The following TAFA5 variants were observed in gnomAD, a reference collection of about 807,000 sequenced individuals.
The protein encoded by TAFA5 is chemokine-like protein TAFA-5.
A neutral mutation model predicts 15.3 loss-of-function variants in TAFA5; 6 were observed. The observed-to-expected ratio is 0.39, with a 90% confidence interval of 0.21 to 0.77. TAFA5 has a LOEUF of 0.77. Among genes scored for constraint, TAFA5 ranks in the 30% least tolerant of loss-of-function variants. The pLI is 0.41. For synonymous variants in TAFA5, 103 were observed against 80.7 expected (o/e 1.28, Z -1.48); for missense variants, 161 against 193.1 (o/e 0.83, Z 0.98).
At chr22:48,642,445 C>G (rs531040338) in intron 1 of TAFA5, among the ~76,000 whole-genome samples, 56 of 152,320 alleles carry the variant, frequency 3.7e-4, no homozygotes, top group African/African-American at 1.3e-3. Flanking sequence ...TTCTGAACCC[C>G]CCTTTCTGAG....
chr22:48,510,448 G>A (rs1218986978), intron 1 of TAFA5, among the ~76,000 whole-genome samples: 1 of 152,248 alleles, frequency 6.6e-6, no homozygotes, highest in Admixed American at 6.5e-5. Context: ...TTTGGTTGAT[G>A]TTCGGTGTTC....
At chr22:48,576,232 C>A (rs1923788887) in intron 1 of TAFA5, 3 of 413,328 alleles carry the variant, frequency 7.3e-6, no homozygotes, top group Admixed American at 5.2e-5. Context: ...AGACTTTCTG[C>A]TAACCTCCCC....
At chr22:48,509,671 G>T (rs1380020707) in intron 1 of TAFA5, among the ~76,000 whole-genome samples, 1 of 152,184 alleles carries the variant, frequency 6.6e-6, no homozygotes, top group Non-Finnish European at 1.5e-5. Context: ...GAAACTAGAG[G>T]CCCAGCGCAA....
intron 2 of TAFA5, among the ~76,000 whole-genome samples, chr22:48,676,408 A>G (rs1306450487): frequency 6.6e-6 from 1 of 152,140 alleles, no homozygotes; most frequent in African/African-American, 2.4e-5. Context: ...CAAGCAAAGG[A>G]GGCATTGGAG....
Position 48,746,158 on chromosome 22 carries a change from G to A in TAFA5, c.391-3681G>A, listed in dbSNP as rs975558873. On this transcript the variant is annotated intron_variant, in intron 3 of 3. Transcript: ENST00000402357. ...GTCGCCTCCGGCCCCTGTCCTTGTGGTTTCTGGCTGGCACTGGGCCTGGCC... is the reference window on the plus strand; with the variant it reads ...GTCGCCTCCGGCCCCTGTCCTTGTGATTTCTGGCTGGCACTGGGCCTGGCC... Among the ~76,000 whole-genome samples, 3 of 151,882 alleles carry A rather than the reference G, an allele frequency of 2.0e-5. No individual in the cohort carries two copies. In the South Asian group the frequency reaches 6.3e-4, roughly 32 times the overall value.
chr22:48,558,364 G>C (rs1470023158), intron 1 of TAFA5, among the ~76,000 whole-genome samples: 1 of 152,144 alleles, frequency 6.6e-6, no homozygotes, highest in African/African-American at 2.4e-5. Context: ...TCTTGTTTTT[G>C]AATGCGTCCC....
At chr22:48,499,590 T>C (rs1920941898) in intron 1 of TAFA5, among the ~76,000 whole-genome samples, 1 of 152,158 alleles carries the variant, frequency 6.6e-6, no homozygotes. Flanking sequence ...AGTAGGGCCC[T>C]CCGCAGGGGG....
chr22:48,646,121 C>G (rs753181268), intron 1 of TAFA5, among the ~76,000 whole-genome samples: 2 of 152,172 alleles, frequency 1.3e-5, no homozygotes, highest in African/African-American at 4.8e-5. Flanking sequence ...TTTTGACAAG[C>G]CTGAGCGGGG....
chr22:48,612,838 C>T (rs1925461168), intron 1 of TAFA5, among the ~76,000 whole-genome samples: 1 of 152,136 alleles, frequency 6.6e-6, no homozygotes, highest in Non-Finnish European at 1.5e-5. Context: ...AGCAGGGTCC[C>T]TTGAGAGGGG....
intron 1 of TAFA5, among the ~76,000 whole-genome samples, chr22:48,637,795 C>T (rs1418130739): frequency 1.3e-5 from 2 of 151,974 alleles, no homozygotes; most frequent in Non-Finnish European, 2.9e-5. Flanking sequence ...TTCACAGCCA[C>T]TCCCGCCCAC....
intron 2 of TAFA5, among the ~76,000 whole-genome samples, chr22:48,697,533 A>G (rs1455128903): frequency 8.6e-5 from 13 of 151,842 alleles, no homozygotes; most frequent in Non-Finnish European, 1.8e-4. Flanking sequence ...TGATGGTGAC[A>G]ACAATGATAA....
chr22:48,720,548 GGTGCTCACATCCCACC>G (rs1299578674), intron 3 of TAFA5, among the ~76,000 whole-genome samples: 5 of 152,272 alleles, frequency 3.3e-5, no homozygotes, highest in African/African-American at 1.2e-4. Flanking sequence ...ACTGCGGCAA[GGTGCTCACATCCCACC>G]GTGCATAGCC....
At chr22:48,690,855 C>A (rs185065888) in intron 2 of TAFA5, among the ~76,000 whole-genome samples, 3 of 152,232 alleles carry the variant, frequency 2.0e-5, no homozygotes, top group Non-Finnish European at 4.4e-5. Flanking sequence ...CTGCCCCCGC[C>A]CCCTGTCTTC....
intron 1 of TAFA5, among the ~76,000 whole-genome samples, chr22:48,532,083 C>T (rs559727385): frequency 2.6e-4 from 39 of 152,350 alleles, no homozygotes; most frequent in African/African-American, 8.2e-4. Flanking sequence ...CTGTGCACCC[C>T]GCCTGCCTCC....
At chr22:48,738,454 A>G (rs1930092582) in intron 3 of TAFA5, among the ~76,000 whole-genome samples, 1 of 152,028 alleles carries the variant, frequency 6.6e-6, no homozygotes, top group Admixed American at 6.5e-5. Flanking sequence ...ACAGCAAGGG[A>G]AGGTCGAAGG....
rs1416514513 is a variant in TAFA5, at chr22:48,749,865, G to A, written c.*18G>A. The A allele has an allele frequency of 5.8e-6, 9 of 1,556,108 alleles. No individual in the cohort carries two copies. Among genetic ancestry groups the A allele is most frequent in the Non-Finnish European group, 6.1e-6 (7 of 1,149,320 alleles). ...TCTCCTGACAAACACAGCCCCTGAG[G>A]GGCCCCGGGAGTGGCCTTGGCTCCC... On this transcript the variant is annotated 3_prime_UTR_variant, in exon 4 of 4. Coordinates refer to ENST00000402357, the MANE Select transcript of TAFA5 (RefSeq NM_001082967.3).
Position 48,560,859 on chromosome 22 carries a change from C to T in TAFA5, c.112+71155C>T, listed in dbSNP as rs549536114. On this transcript the variant is annotated intron_variant, in intron 1 of 3. Coordinates refer to ENST00000402357, the MANE Select transcript of TAFA5 (RefSeq NM_001082967.3). This position sits in a 1 kb window ranked among gnomAD's most constrained non-coding sequence, Gnocchi z 4.2. The stretch of plus-strand genomic sequence containing the variant: ...TCCTGACCTCAGGTGATCCACCCAC[C>T]TCGGCCTCCCAAAGTTCTGGGATTA... 6.6e-6 allele frequency among the ~76,000 whole-genome samples: 1 copy of T among 152,266 alleles called. No homozygotes were observed. Among genetic ancestry groups the T allele is most frequent in the East Asian group, 1.9e-4 (1 of 5,176 alleles).
At chr22:48,592,934 T>TC (rs1323796579) in intron 1 of TAFA5, among the ~76,000 whole-genome samples, 3 of 152,122 alleles carry the variant, frequency 2.0e-5, no homozygotes, top group Admixed American at 6.5e-5. Flanking sequence ...GCTGGCTGGA[T>TC]CAGGGTCTTT....
At chr22:48,534,818 G>A (rs574731155) in intron 1 of TAFA5, among the ~76,000 whole-genome samples, 60 of 152,272 alleles carry the variant, frequency 3.9e-4, no homozygotes, top group Non-Finnish European at 7.9e-4. Flanking sequence ...ACACGGGGCT[G>A]GGAGCCGCAG....
Sources: allele counts gnomAD v4.1 joint callset (sites outside exome capture counted in the v4.1 genomes callset), GRCh38; gene constraint gnomAD v4.1.1; non-coding constraint Gnocchi (gnomAD v3.1); transcripts MANE v1.5; gene names NCBI Gene and HGNC (gene_info 2026-07-23, HGNC 2026-07-21).